ADAM18: variants seen among roughly 807,000 people sequenced by gnomAD.
ADAM18 encodes the protein ADAM metallopeptidase domain 18.
A neutral mutation model predicts 94.4 loss-of-function variants in ADAM18; 117 were observed. That is an observed-to-expected ratio of 1.24 (90% CI 1.07 to 1.45). ADAM18 has a LOEUF of 1.45. ADAM18 is among the 40% of genes most tolerant of loss of function. The pLI is 0.00. For missense variants in ADAM18, 936 were observed against 880.0 expected (o/e 1.06, Z -0.81); for synonymous variants, 327 against 291.6 (o/e 1.12, Z -1.24).
chr8:39,610,377 G>C, intron 5 of ADAM18, 152 bp from the exon 6 acceptor site: 1 of 1,007,740 alleles, frequency 9.9e-7, no homozygotes. Flanking sequence ...ATGATAAACT[G>C]CCCCCCCAAA....
intron 14 of ADAM18, among the ~76,000 whole-genome samples, chr8:39,673,055 C>G (rs538484782): frequency 6.6e-6 from 1 of 152,058 alleles, no homozygotes; most frequent in African/African-American, 2.4e-5. Flanking sequence ...TGTCTGTAAC[C>G]GCCTGTTTCA....
At chr8:39,609,344 T>A in intron 4 of ADAM18, 141 bp from the exon 5 acceptor site, 1 of 681,060 alleles carries the variant, frequency 1.5e-6, no homozygotes, top group Non-Finnish European at 2.4e-6. Context: ...GTCACAAATC[T>A]TTTTTTTTCT....
intron 3 of ADAM18, among the ~76,000 whole-genome samples, 170 bp downstream of exon 3, chr8:39,606,532 A>G (rs1251882065): frequency 1.3e-5 from 2 of 152,216 alleles, no homozygotes; most frequent in African/African-American, 2.4e-5. Context: ...TATCAGATCT[A>G]TAGAGCTCTT....
chr8:39,643,045 A>G (rs1820278294), intron 10 of ADAM18, among the ~76,000 whole-genome samples: 2 of 152,032 alleles, frequency 1.3e-5, no homozygotes, highest in African/African-American at 2.4e-5. Context: ...TTTTGTCACA[A>G]TTGTGAATGT....
chr8:39,679,168 C>A (rs1248327089), intron 15 of ADAM18, among the ~76,000 whole-genome samples: 1 of 152,106 alleles, frequency 6.6e-6, no homozygotes, highest in Non-Finnish European at 1.5e-5. Flanking sequence ...TAAGCTTATT[C>A]TTCTGAAAAA....
intron 14 of ADAM18, among the ~76,000 whole-genome samples, chr8:39,670,464 G>A (rs532866275): frequency 6.6e-6 from 1 of 152,214 alleles, no homozygotes; most frequent in East Asian, 1.9e-4. Flanking sequence ...TATGGGACAT[G>A]TTAACTAACA....
At chr8:39,701,594 A>G (rs1441576569) in intron 17 of ADAM18, among the ~76,000 whole-genome samples, 1 of 152,096 alleles carries the variant, frequency 6.6e-6, no homozygotes, top group Non-Finnish European at 1.5e-5. Flanking sequence ...CCCAGGTATT[A>G]AGCCTAGTAT....
At chr8:39,711,575 C>G (rs965573648) in intron 18 of ADAM18, among the ~76,000 whole-genome samples, 3 of 152,030 alleles carry the variant, frequency 2.0e-5, no homozygotes, top group Non-Finnish European at 2.9e-5. Flanking sequence ...CTAAATGGAA[C>G]TGAACAAATT....
At chr8:39,687,600 C>A (rs768331148) in intron 16 of ADAM18, among the ~76,000 whole-genome samples, 1 of 152,104 alleles carries the variant, frequency 6.6e-6, no homozygotes, top group Non-Finnish European at 1.5e-5. Context: ...TAAGTAGCCT[C>A]CCAACCCAGG....
intron 2 of ADAM18, among the ~76,000 whole-genome samples, chr8:39,600,408 A>G (rs1029754189): frequency 6.6e-6 from 1 of 152,184 alleles, no homozygotes; most frequent in Admixed American, 6.5e-5. Context: ...ACTTGCTTTC[A>G]GTGGCTTAAA....
intron 18 of ADAM18, among the ~76,000 whole-genome samples, chr8:39,708,899 C>T (rs1040238903): frequency 6.6e-5 from 10 of 152,200 alleles, no homozygotes; most frequent in Admixed American, 1.3e-4. Context: ...GCGGGCCCTG[C>T]GCCCGCATCT....
chr8:39,684,228 C>T (rs548076477), intron 16 of ADAM18, among the ~76,000 whole-genome samples: 2 of 152,058 alleles, frequency 1.3e-5, no homozygotes, highest in East Asian at 3.9e-4. Flanking sequence ...ATGATCACTA[C>T]CTTCCATGTC....
At chr8:39,683,050 T>A (rs1821512828) in intron 16 of ADAM18, among the ~76,000 whole-genome samples, 1 of 152,144 alleles carries the variant, frequency 6.6e-6, no homozygotes, top group Non-Finnish European at 1.5e-5. Context: ...AAATAGAGTA[T>A]GGAAAAAATG....
At chr8:39,718,607 G>A (rs1320158052) in intron 18 of ADAM18, among the ~76,000 whole-genome samples, 4 of 151,436 alleles carry the variant, frequency 2.6e-5, no homozygotes, top group African/African-American at 4.8e-5. Flanking sequence ...AGTGAAGCAA[G>A]ATGAGTAAGA....
intron 17 of ADAM18, among the ~76,000 whole-genome samples, chr8:39,696,337 T>G (rs1821928010): frequency 7.5e-6 from 1 of 133,368 alleles, no homozygotes; most frequent in Admixed American, 7.6e-5. Context: ...TGTTGTCTTT[T>G]CACTGTCTTG....
intron 6 of ADAM18, among the ~76,000 whole-genome samples, chr8:39,626,219 C>G (rs1040158544): frequency 1.3e-5 from 2 of 152,030 alleles, no homozygotes; most frequent in Non-Finnish European, 2.9e-5. Flanking sequence ...TCATAGTAGT[C>G]TTGGATGATC....
rs187539718 is a variant in ADAM18, at chr8:39,653,716, G to A, written c.1230+5189G>A. Among the ~76,000 whole-genome samples the A allele has an allele frequency of 6.6e-5, 10 of 152,226 alleles. No individual in the cohort carries two copies. In the East Asian group the frequency reaches 1.7e-3, roughly 26 times the overall value. On this transcript the variant is annotated intron_variant, in intron 12 of 19. Transcript: ENST00000265707. ...GAATAGTTTTTATGTGTTTTTAATTGATATATCATAGTTGTACATATTTTG... is the reference window on the plus strand; with the variant it reads ...GAATAGTTTTTATGTGTTTTTAATTAATATATCATAGTTGTACATATTTTG...
intron 12 of ADAM18, among the ~76,000 whole-genome samples, chr8:39,662,269 A>G (rs566649980): frequency 6.6e-6 from 1 of 152,306 alleles, no homozygotes; most frequent in East Asian, 1.9e-4. Flanking sequence ...ACATTTATAC[A>G]GCATTATTTA....
chr8:39,644,778 C>T (rs766051067), intron 10 of ADAM18, among the ~76,000 whole-genome samples: 11 of 152,134 alleles, frequency 7.2e-5, no homozygotes, highest in Non-Finnish European at 1.6e-4. Context: ...GTTCTAACTA[C>T]CTTACTTAAC....
Sources: allele counts gnomAD v4.1 joint callset (sites outside exome capture counted in the v4.1 genomes callset), GRCh38; gene constraint gnomAD v4.1.1; transcripts MANE v1.5; gene names NCBI Gene and HGNC (gene_info 2026-07-23, HGNC 2026-07-21).